Variants in MEP1B observed in about 807,000 individuals in gnomAD.
The protein encoded by MEP1B is N-benzoyl-L-tyrosyl-P-amino-benzoic acid hydrolase subunit beta.
Under a neutral mutation model 84.6 loss-of-function variants are expected in MEP1B, and 80 were observed. The ratio of observed to expected loss-of-function variants is 0.95; its 90% CI spans 0.79 to 1.14. MEP1B has a LOEUF of 1.14. MEP1B is among the 50% of genes most tolerant of loss of function. The probability of loss-of-function intolerance (pLI) is 0.00; values close to 1 mark genes in which losing one functional copy is unlikely to be tolerated. For missense variants in MEP1B, 766 were observed against 855.1 expected (o/e 0.90, Z 1.30); for synonymous variants, 273 against 288.1 (o/e 0.95, Z 0.53).
intron 1 of MEP1B, among the ~76,000 whole-genome samples, chr18:32,190,413 TCATTC>T: frequency 6.6e-6 from 1 of 152,240 alleles, no homozygotes; most frequent in East Asian, 1.9e-4. Context: ...ATTTTGAAAA[TCATTC>T]CATTTTTACT....
intron 6 of MEP1B, 125 bp downstream of exon 6, chr18:32,203,135 G>A: frequency 1.8e-6 from 1 of 547,702 alleles, no homozygotes; most frequent in Non-Finnish European, 3.2e-6. Context: ...GCTAGTTGCT[G>A]GAGAGTAAAA....
intron 12 of MEP1B, 101 bp from the exon 13 acceptor site, chr18:32,216,889 GA>G: frequency 7.6e-7 from 1 of 1,311,768 alleles, no homozygotes; most frequent in Non-Finnish European, 1.0e-6. Context: ...AAGAAAGAAA[GA>G]AAAAAGGAAA....
chr18:32,196,383 A>G lies in MEP1B; in HGVS notation c.250+898A>G. ...GCTGGGTCAGGCACTTGAGGTACTC[A>G]GAGCTCTCCTTGGTCTTCTCCTGGT... On this transcript the variant is annotated intron_variant, in intron 5 of 14. Transcript: ENST00000269202. The surrounding 1 kb of genome is among the most constrained non-coding windows in gnomAD (Gnocchi z 4.4). The G allele has an allele frequency of 1.4e-6, 1 of 699,690 alleles. No individual in the cohort carries two copies. Among genetic ancestry groups the G allele is most frequent in the Non-Finnish European group, 2.7e-6 (1 of 377,160 alleles). 43.3% of individuals were successfully genotyped at this position (699,690 alleles called of 1,614,324 possible).
Position 32,196,595 on chromosome 18 carries a change from C to T in MEP1B, c.250+1110C>T, listed in dbSNP as rs571001031. 17 of 722,054 alleles carry T rather than the reference C, an allele frequency of 2.4e-5. No homozygotes were observed. Among genetic ancestry groups the T allele is most frequent in the Non-Finnish European group, 4.3e-5 (17 of 393,304 alleles). The allele number at this position is 722,054 out of a possible 1,614,324, so 44.7% of individuals were successfully genotyped here. On this transcript the variant is annotated intron_variant, in intron 5 of 14. Transcript: ENST00000269202. This position sits in a 1 kb window ranked among gnomAD's most constrained non-coding sequence, Gnocchi z 4.4. ...CCAGCGCGTTGTCCAGGAAGCACAG[C>T]GACAGGTCGTACTCCATCACCCTGT...
chr18:32,197,402 TTTG>T (rs2040866203), intron 5 of MEP1B, among the ~76,000 whole-genome samples: 1 of 64,786 alleles, frequency 1.5e-5, no homozygotes, highest in African/African-American at 4.5e-5. Context: ...ATTTTTCATT[TTTG>T]TTTTTTTTTT....
intron 5 of MEP1B, among the ~76,000 whole-genome samples, chr18:32,201,381 C>T (rs951939723): frequency 1.6e-4 from 24 of 151,856 alleles, no homozygotes; most frequent in South Asian, 4.2e-4. Context: ...TCAGCGTCCT[C>T]GGATTAAAAG....
At chr18:32,218,486 CA>C (rs2041116917) in intron 14 of MEP1B, among the ~76,000 whole-genome samples, 1 of 152,116 alleles carries the variant, frequency 6.6e-6, no homozygotes, top group Non-Finnish European at 1.5e-5. Flanking sequence ...AGTCTTGCCT[CA>C]AAAAATCTCT....
chr18:32,217,121 A>G lies in MEP1B; in HGVS notation c.1886+4A>G, dbSNP rs755734301. On this transcript the variant is annotated splice_donor_region_variant and intron_variant, in intron 13 of 14. Coordinates refer to ENST00000269202, the MANE Select transcript of MEP1B (RefSeq NM_005925.3). ...GAGATGGCAAAGCTGAGTGCAGGTA[A>G]GGATGATTTGAAAGAGATCTCTCCA... is the stretch of plus-strand genomic sequence containing the variant. 1.2e-6 allele frequency: 2 copies of G among 1,612,666 alleles called. No individual in the cohort carries two copies. Among genetic ancestry groups the G allele is most frequent in the Non-Finnish European group, 1.7e-6 (2 of 1,179,438 alleles).
intron 14 of MEP1B, among the ~76,000 whole-genome samples, 186 bp downstream of exon 14, chr18:32,218,151 A>C (rs1199971832): frequency 6.6e-6 from 1 of 152,126 alleles, no homozygotes; most frequent in Non-Finnish European, 1.5e-5. Context: ...TTAAACTGGG[A>C]TTTATGGAGG....
Position 32,196,859 on chromosome 18 carries a change from C to A in MEP1B, c.250+1374C>A. The A allele has an allele frequency of 1.9e-6, 1 of 528,838 alleles. No homozygotes were observed. The highest frequency in any genetic ancestry group is 3.5e-6 in the Non-Finnish European group (1 of 284,678). 32.8% of individuals were successfully genotyped at this position (528,838 alleles called of 1,614,324 possible). A position where few individuals can be genotyped will look rare whatever the true frequency, so the allele number is the denominator to read the frequency against. On this transcript the variant is annotated intron_variant, in intron 5 of 14. Coordinates refer to ENST00000269202, the MANE Select transcript of MEP1B (RefSeq NM_005925.3). The surrounding 1 kb of genome is among the most constrained non-coding windows in gnomAD (Gnocchi z 4.4). Reference sequence around the variant, plus strand: ...TTCTCAGGGCCTCTGCGTACTTGCCCATGATGTAGTGGAGGCGGGCAAGGA... The same window carrying A: ...TTCTCAGGGCCTCTGCGTACTTGCCAATGATGTAGTGGAGGCGGGCAAGGA...
chr18:32,217,993 C>T, intron 14 of MEP1B, 28 bp downstream of exon 14: 3 of 1,607,034 alleles, frequency 1.9e-6, no homozygotes, highest in African/African-American at 1.3e-5. Flanking sequence ...TTTGATTATT[C>T]ATAACCTATT....
In MEP1B at chr18:32,204,342, T is replaced by C; in HGVS notation, c.529T>C (p.Trp177Arg). ...CCGGGATGACTATGTCAGGATAATGTGGGACAGAATTCTGTCAGGTACATT... is the reference window on the plus strand; with the variant it reads ...CCGGGATGACTATGTCAGGATAATGCGGGACAGAATTCTGTCAGGTACATT... ...SDRDDYVRIM[W>R]DRILSGREHN... Residue 177 changes from tryptophan (W) to arginine (R), a missense_variant, in exon 7 of 15, where the codon TGG (tryptophan) becomes CGG (arginine). Transcript: ENST00000269202. 1.3e-6 allele frequency: 2 copies of C among 1,595,460 alleles called. No individual in the cohort carries two copies. Among genetic ancestry groups the C allele is most frequent in the Admixed American group, 3.5e-5 (2 of 57,358 alleles).
chr18:32,195,532 A>T (rs673754), intron 5 of MEP1B, 47 bp downstream of exon 5: 1 of 1,257,658 alleles, frequency 8.0e-7, no homozygotes. Context: ...TATTTCTGAC[A>T]AAATATGATT....
At position 32,210,571 on chromosome 18, in the gene MEP1B, A is replaced by T; in HGVS notation, c.990A>T (p.Arg330Ser). ...GGGCCACAGCAGTGCTGGAAAGTAG[A>T]ACGCTGTACCCTAAAAGAGGATTTC... ...NVGATAVLESRTLYPKRGFQC... is the reference protein window; with the variant it reads ...NVGATAVLESSTLYPKRGFQC... Residue 330 changes from arginine (R) to serine (S), a missense_variant, in exon 10 of 15, where the codon AGA becomes AGT. Physicochemically the swap from Arg to Ser is moderately radical, Grantham distance 110. Coordinates refer to ENST00000269202, the MANE Select transcript of MEP1B (RefSeq NM_005925.3). 6.2e-7 allele frequency: 1 copy of T among 1,614,030 alleles called. No homozygotes were observed. The highest frequency in any genetic ancestry group is 8.5e-7 in the Non-Finnish European group (1 of 1,179,896).
rs184031989 is a variant in MEP1B at position 32,217,921 on chromosome 18, C to A, written c.2047C>A (p.Arg683Ser). ...TGTCTATTGCACCAGGAAGAAATAT[C>A]GTGAAAGGATGAGCTCAAATCGACC... is the stretch of plus-strand genomic sequence containing the variant. Reference protein sequence around the residue: ...VSVYCTRKKYRERMSSNRPNL... With the variant: ...VSVYCTRKKYSERMSSNRPNL... Residue 683 changes from arginine to serine, a missense_variant, in exon 14 of 15, where the codon CGT becomes AGT. By Grantham distance (110) the Arg-to-Ser change is moderately radical. Coordinates refer to ENST00000269202, the MANE Select transcript of MEP1B (RefSeq NM_005925.3). 2 of 1,613,718 alleles carry A rather than the reference C, an allele frequency of 1.2e-6. No homozygotes were observed. The highest frequency in any genetic ancestry group is 1.7e-6 in the Non-Finnish European group (2 of 1,179,864).
At chr18:32,206,570 C>T (rs1195281745) in intron 7 of MEP1B, among the ~76,000 whole-genome samples, 1 of 151,800 alleles carries the variant, frequency 6.6e-6, no homozygotes, top group Admixed American at 6.6e-5. Flanking sequence ...GCTGGGACTA[C>T]AGGCATGCAC....
At chr18:32,204,531 A>G (rs144836928) in intron 7 of MEP1B, among the ~76,000 whole-genome samples, 171 bp downstream of exon 7, 118 of 152,224 alleles carry the variant, frequency 7.8e-4, no homozygotes, top group African/African-American at 2.8e-3. Flanking sequence ...GTATTCCAGA[A>G]CCCATATGAG....
At position 32,213,436 on chromosome 18, in the gene MEP1B, G is replaced by T. The variant is rs1207961392; in HGVS notation, c.1456G>T (p.Asp486Tyr). 1 of 1,613,696 alleles carries T rather than the reference G, an allele frequency of 6.2e-7. No homozygotes were observed. Among genetic ancestry groups the T allele is most frequent in the Non-Finnish European group, 8.5e-7 (1 of 1,179,788 alleles). ...CCACTTGATCTCTGGAGCCAATGAT[G>T]ATCAATTACAGTGGCCATGTCCTTG... Reference protein sequence around the residue: ...YFHLISGANDDQLQWPCPWQQ... With the variant: ...YFHLISGANDYQLQWPCPWQQ... The change falls in exon 11 of 15, where the codon GAT (aspartate) becomes TAT (tyrosine). Residue 486 changes from aspartate (D) to tyrosine (Y), a missense_variant. Asp to Tyr is a radical substitution (Grantham distance 160, BLOSUM62 -3). Coordinates refer to ENST00000269202, the MANE Select transcript of MEP1B (RefSeq NM_005925.3).
chr18:32,195,789 G>C (rs897568931), intron 5 of MEP1B, among the ~76,000 whole-genome samples: 4 of 151,936 alleles, frequency 2.6e-5, no homozygotes, highest in Admixed American at 1.3e-4. Context: ...CTTTTTTTGT[G>C]GGGGAGGGGC....
Sources: allele counts gnomAD v4.1 joint callset (sites outside exome capture counted in the v4.1 genomes callset), GRCh38; gene constraint gnomAD v4.1.1; non-coding constraint Gnocchi (gnomAD v3.1); transcripts MANE v1.5; gene names NCBI Gene and HGNC (gene_info 2026-07-23, HGNC 2026-07-21).